The following NFIB variants were observed in gnomAD, a reference collection of about 807,000 sequenced individuals.
NFIB encodes nuclear factor 1 B-type.
NFIB carries 11 observed loss-of-function variants against 61.5 expected under a neutral mutation model. The ratio of observed to expected loss-of-function variants is 0.18; its 90% confidence interval spans 0.11 to 0.30. NFIB has a LOEUF of 0.30. NFIB is among the 10% of genes least tolerant of loss of function. The pLI is 1.00. For synonymous variants in NFIB, 260 were observed against 216.5 expected, an observed-to-expected ratio of 1.20 and a Z score of -1.76; for missense variants, 471 against 608.9, an observed-to-expected ratio of 0.77 and a Z score of 2.38.
chr9:14,255,226 AAAAG>A (rs887805329), intron 2 of NFIB, among the ~76,000 whole-genome samples: 11 of 152,162 alleles, frequency 7.2e-5, no homozygotes, highest in Non-Finnish European at 1.5e-4. Flanking sequence ...CTGACTCAAA[AAAAG>A]AAAGAAAGAA....
intron 1 of NFIB, among the ~76,000 whole-genome samples, chr9:14,323,212 A>G (rs2060703870): frequency 6.6e-6 from 1 of 152,144 alleles, no homozygotes; most frequent in Non-Finnish European, 1.5e-5. Context: ...AAAAAAATAG[A>G]TCAGTAATTT....
At chr9:14,522,799 T>C in the NFIB span, among the ~76,000 whole-genome samples, 1 of 152,216 alleles carries the variant, frequency 6.6e-6, no homozygotes, top group Non-Finnish European at 1.5e-5. Flanking sequence ...AGCATCAGCA[T>C]TGAACCTTGA....
chr9:14,450,721 C>G, the NFIB span, among the ~76,000 whole-genome samples: 2 of 150,466 alleles, frequency 1.3e-5, no homozygotes, highest in African/African-American at 4.8e-5. Flanking sequence ...AAAACACTTT[C>G]AAGGTGATTT....
chr9:14,278,886 T>G (rs1411131642), intron 2 of NFIB, among the ~76,000 whole-genome samples: 2 of 152,182 alleles, frequency 1.3e-5, no homozygotes, highest in Non-Finnish European at 2.9e-5. Context: ...GAAAAAAATG[T>G]GTTAACTAAC....
At chr9:14,483,932 C>A in the NFIB span, among the ~76,000 whole-genome samples, 1 of 152,172 alleles carries the variant, frequency 6.6e-6, no homozygotes, top group African/African-American at 2.4e-5. Context: ...CAGGAAGCTA[C>A]AACTGATGAA....
intron 1 of NFIB, among the ~76,000 whole-genome samples, chr9:14,373,351 A>C (rs2061380398): frequency 6.6e-6 from 1 of 152,188 alleles, no homozygotes; most frequent in Non-Finnish European, 1.5e-5. Flanking sequence ...TATAGAGCCC[A>C]TTGCCAGCAG....
At chr9:14,281,111 T>C (rs118043083) in intron 2 of NFIB, among the ~76,000 whole-genome samples, 21 of 152,308 alleles carry the variant, frequency 1.4e-4, no homozygotes, top group East Asian at 7.7e-4. Flanking sequence ...CTAAAATCTG[T>C]ATTGTGGTTG....
chr9:14,243,229 GTTTC>G (rs1563937622), intron 2 of NFIB, among the ~76,000 whole-genome samples: 1 of 151,946 alleles, frequency 6.6e-6, no homozygotes, highest in Non-Finnish European at 1.5e-5. Flanking sequence ...ATTCCCAGAG[GTTTC>G]TTTATTGTTT....
chr9:14,241,430 A>G (rs1055123260), intron 2 of NFIB, among the ~76,000 whole-genome samples: 1 of 152,192 alleles, frequency 6.6e-6, no homozygotes, highest in African/African-American at 2.4e-5. Context: ...TGCATGAATT[A>G]TTAATTTTCC....
chr9:14,131,360 T>C (rs2040382677), intron 6 of NFIB, among the ~76,000 whole-genome samples: 1 of 152,322 alleles, frequency 6.6e-6, no homozygotes, highest in East Asian at 1.9e-4. Context: ...CCATACTATA[T>C]ATATTTTTGG....
chr9:14,246,981 CTT>C (rs1381073356), intron 2 of NFIB, among the ~76,000 whole-genome samples: 3 of 151,564 alleles, frequency 2.0e-5, no homozygotes, highest in East Asian at 4.1e-4. Flanking sequence ...CTCTCTCTCT[CTT>C]GCTTTCTTTC....
chr9:14,126,365 A>G (rs2039643648), intron 6 of NFIB, among the ~76,000 whole-genome samples: 1 of 152,244 alleles, frequency 6.6e-6, no homozygotes, highest in Non-Finnish European at 1.5e-5. Context: ...GTGAGGAGGA[A>G]AATGATTAGA....
chr9:14,183,670 G>C (rs1025957148), intron 2 of NFIB, among the ~76,000 whole-genome samples: 1 of 152,170 alleles, frequency 6.6e-6, no homozygotes, highest in African/African-American at 2.4e-5. Context: ...CTCCCAAAGT[G>C]CTGGGATTAC....
intron 6 of NFIB, among the ~76,000 whole-genome samples, chr9:14,126,372 T>G (rs1002562534): frequency 1.3e-5 from 2 of 152,158 alleles, no homozygotes; most frequent in African/African-American, 4.8e-5. Flanking sequence ...GGAAAATGAT[T>G]AGAAGAAAAT....
At chr9:14,348,385 C>A (rs877570) in intron 1 of NFIB, among the ~76,000 whole-genome samples, 2 of 150,996 alleles carry the variant, frequency 1.3e-5, no homozygotes, top group East Asian at 3.9e-4. Flanking sequence ...CAGCCTGAAG[C>A]AGCTTATTTA....
At chr9:14,438,135 G>A in the NFIB span, among the ~76,000 whole-genome samples, 1 of 152,160 alleles carries the variant, frequency 6.6e-6, no homozygotes. Flanking sequence ...GAGGGAAGGA[G>A]AGAAAGGCTG....
chr9:14,172,446 G>T (rs2045669369), intron 3 of NFIB, among the ~76,000 whole-genome samples: 2 of 134,094 alleles, frequency 1.5e-5, no homozygotes, highest in African/African-American at 5.6e-5. Flanking sequence ...GGAAAGGAGG[G>T]GAAAAAAATT....
At chr9:14,282,596 T>C (rs746806117) in intron 2 of NFIB, among the ~76,000 whole-genome samples, 41 of 152,228 alleles carry the variant, frequency 2.7e-4, no homozygotes, top group Middle Eastern at 3.2e-3. Flanking sequence ...AACAGTCTCA[T>C]CTATTTGCGT....
rs550213710 is a variant in NFIB at position 14,337,276 on chromosome 9, C to T, written c.109-29756G>A. Among the ~76,000 whole-genome samples the T allele has an allele frequency of 3.3e-5, 5 of 152,222 alleles. No individual in the cohort carries two copies. The South Asian group carries it at 1.0e-3, about 32-fold the overall frequency. ...CCCTCAACCACAGAATGGATAAATG[C>T]ATTGTATTATTTATATACAACACAC... On this transcript the variant is annotated intron_variant, in intron 1 of 8. Transcript: ENST00000380934.
Sources: allele counts gnomAD v4.1 joint callset (sites outside exome capture counted in the v4.1 genomes callset), GRCh38; gene constraint gnomAD v4.1.1; transcripts MANE v1.5; gene names NCBI Gene and HGNC (gene_info 2026-07-23, HGNC 2026-07-21).